The following C20orf203 variants were observed in gnomAD, a reference collection of about 807,000 sequenced individuals.
C20orf203 encodes the protein uncharacterized protein C20orf203.
C20orf203 carries 16 observed loss-of-function variants against 15.9 expected under a neutral mutation model. The observed-to-expected ratio is 1.01, with a 90% CI of 0.68 to 1.53. The LOEUF is 1.53. C20orf203 is among the 40% of genes most tolerant of loss of function. The pLI is 0.00. For synonymous variants in C20orf203, 98 were observed against 97.2 expected (o/e 1.01, Z -0.05); for missense variants, 263 against 247.5 (o/e 1.06, Z -0.42).
intron 4 of C20orf203, among the ~76,000 whole-genome samples, chr20:32,641,816 T>C (rs1046134043): frequency 6.6e-6 from 1 of 152,106 alleles, no homozygotes; most frequent in African/African-American, 2.4e-5. Context: ...AATTGAGTTA[T>C]TTGTTTTTGT....
chr20:32,644,312 G>A (rs1383250015), intron 4 of C20orf203, among the ~76,000 whole-genome samples: 1 of 152,136 alleles, frequency 6.6e-6, no homozygotes, highest in Non-Finnish European at 1.5e-5. Context: ...GCCAGGTGTG[G>A]TGGCGTACAC....
intron 4 of C20orf203, among the ~76,000 whole-genome samples, chr20:32,641,815 A>G (rs1982288731): frequency 1.3e-5 from 2 of 151,770 alleles, no homozygotes; most frequent in Non-Finnish European, 2.9e-5. Context: ...AAATTGAGTT[A>G]TTTGTTTTTG....
intron 1 of C20orf203, among the ~76,000 whole-genome samples, chr20:32,663,229 C>T (rs531962411): frequency 5.7e-4 from 86 of 151,286 alleles, no homozygotes; most frequent in African/African-American, 2.0e-3. Context: ...ATTATAGGTG[C>T]GAGCCCCCGC....
intron 1 of C20orf203, among the ~76,000 whole-genome samples, chr20:32,671,027 AAAC>A (rs1983153402): frequency 6.7e-6 from 1 of 150,212 alleles, no homozygotes. Context: ...AAAAAAAAAA[AAAC>A]AACAGTGTTG....
chr20:32,635,643 T>C (rs1459355718), intron 5 of C20orf203, among the ~76,000 whole-genome samples: 1 of 148,714 alleles, frequency 6.7e-6, no homozygotes, highest in African/African-American at 2.5e-5. Flanking sequence ...GGATACCTTG[T>C]CTCTACAAAA....
chr20:32,641,952 C>T (rs1414997623), intron 4 of C20orf203, among the ~76,000 whole-genome samples: 1 of 152,176 alleles, frequency 6.6e-6, no homozygotes. Context: ...ATCCTTCCAC[C>T]TCAGCCTCTT....
At chr20:32,648,825 C>G (rs1217742463) in intron 4 of C20orf203, among the ~76,000 whole-genome samples, 1 of 152,030 alleles carries the variant, frequency 6.6e-6, no homozygotes, top group African/African-American at 2.4e-5. Flanking sequence ...ACAGGGAGTT[C>G]CTATTGGCCC....
intron 2 of C20orf203, among the ~76,000 whole-genome samples, 169 bp from the exon 3 acceptor site, chr20:32,651,335 C>T (rs1015249980): frequency 5.6e-5 from 8 of 144,038 alleles, no homozygotes; most frequent in Non-Finnish European, 9.2e-5. Flanking sequence ...GGCAACAGAG[C>T]GAAACCCTAT....
chr20:32,666,155 T>TAAAAAAAAAAAAAAAAAAAAAG (rs1983016576), intron 1 of C20orf203, among the ~76,000 whole-genome samples: 113 of 102,720 alleles, frequency 1.1e-3, no homozygotes, highest in Middle Eastern at 5.6e-3. Flanking sequence ...ATAAATAAAG[T>TAAAAAAAAAAAAAAAAAAAAAG]AAAAAAAAAA....
Position 32,650,409 on chromosome 20 carries a change from G to T in C20orf203, c.*23C>A, listed in dbSNP as rs1424370469. On this transcript the variant is annotated 3_prime_UTR_variant, in exon 4 of 6. Transcript: ENST00000608990. The stretch of plus-strand genomic sequence containing the variant: ...TGGTAGGACAGGCAGGCAGAGCTGG[G>T]GGTGGGGGCGCCCTGGGCTCGGCTA... 6.5e-7 allele frequency: 1 copy of T among 1,527,420 alleles called. No homozygotes were observed. The highest frequency in any genetic ancestry group is 8.9e-7 in the Non-Finnish European group (1 of 1,129,102). The allele number at this position is 1,527,420 out of a possible 1,614,324, so 94.6% of individuals were successfully genotyped here. A position where few individuals can be genotyped will look rare whatever the true frequency, so the allele number is the denominator to read the frequency against.
At chr20:32,652,738 G>C (rs911896216) in intron 1 of C20orf203, among the ~76,000 whole-genome samples, 2 of 152,100 alleles carry the variant, frequency 1.3e-5, no homozygotes, top group African/African-American at 2.4e-5. Context: ...CACCAGTTTG[G>C]GGGGCTTCCT....
chr20:32,647,611 G>A (rs1159053639), intron 4 of C20orf203, among the ~76,000 whole-genome samples: 1 of 151,596 alleles, frequency 6.6e-6, no homozygotes, highest in Non-Finnish European at 1.5e-5. Flanking sequence ...AGGCTGAGGT[G>A]AGAGGATTGC....
At position 32,650,649 on chromosome 20, in the gene C20orf203, C is replaced by A; in HGVS notation, c.368G>T (p.Gly123Val). ...CCCAGCAGGGGCCCGCAGCCCCCTCCCCACTTCCCTATCTCTCCGACCCAC... is the reference window on the plus strand; with the variant it reads ...CCCAGCAGGGGCCCGCAGCCCCCTCACCACTTCCCTATCTCTCCGACCCAC... Reference protein sequence around the residue: ...SKVGRRDREVGRGLRAPAGRG... With the variant: ...SKVGRRDREVVRGLRAPAGRG... Residue 123 changes from glycine (G) to valine (V), a missense_variant, in exon 4 of 6, where the codon GGG (glycine) becomes GTG (valine). Transcript: ENST00000608990. 1 of 1,549,196 alleles carries A rather than the reference C, an allele frequency of 6.5e-7. No individual in the cohort carries two copies. The highest frequency in any genetic ancestry group is 8.7e-7 in the Non-Finnish European group (1 of 1,146,242).
intron 1 of C20orf203, among the ~76,000 whole-genome samples, chr20:32,659,158 T>A (rs1292262212): frequency 6.6e-6 from 1 of 152,162 alleles, no homozygotes; most frequent in East Asian, 1.9e-4. Context: ...ACTACAGGCA[T>A]GAGCCACCGT....
intron 1 of C20orf203, among the ~76,000 whole-genome samples, chr20:32,653,013 C>A (rs2145673743): frequency 6.6e-6 from 1 of 152,280 alleles, no homozygotes; most frequent in South Asian, 2.1e-4. Context: ...GCAAGCACAG[C>A]CAGCAGCTCC....
intron 1 of C20orf203, among the ~76,000 whole-genome samples, chr20:32,660,806 A>C (rs1021314692): frequency 6.6e-6 from 1 of 152,236 alleles, no homozygotes; most frequent in Non-Finnish European, 1.5e-5. Context: ...ACTTACAATC[A>C]TGGCAGAAGA....
At chr20:32,660,619 T>C (rs1411506635) in intron 1 of C20orf203, among the ~76,000 whole-genome samples, 1 of 152,112 alleles carries the variant, frequency 6.6e-6, no homozygotes, top group African/African-American at 2.4e-5. Context: ...AAGTGACTTG[T>C]CCAAAGTCAC....
chr20:32,645,487 G>T (rs1397069283), intron 4 of C20orf203, among the ~76,000 whole-genome samples: 1 of 152,212 alleles, frequency 6.6e-6, no homozygotes. Flanking sequence ...CTCCCAAACT[G>T]GGACTTCCCA....
intron 1 of C20orf203, chr20:32,657,595 G>T (rs572230615): frequency 6.6e-6 from 1 of 151,618 alleles, no homozygotes; most frequent in Non-Finnish European, 1.5e-5. Flanking sequence ...ATAAAAAGGC[G>T]TCACATTTAC....
Sources: allele counts gnomAD v4.1 joint callset (sites outside exome capture counted in the v4.1 genomes callset), GRCh38; gene constraint gnomAD v4.1.1; transcripts MANE v1.5; gene names NCBI Gene and HGNC (gene_info 2026-07-23, HGNC 2026-07-21).